Variants in OPCML observed in about 807,000 individuals in gnomAD.
The protein encoded by OPCML is opioid binding protein/cell adhesion molecule like, also known as opioid-binding protein/cell adhesion molecule.
In OPCML, 13 loss-of-function variants were observed where a neutral mutation model predicts 37.8. That is an observed-to-expected ratio of 0.34 (90% CI 0.22 to 0.55). OPCML has a LOEUF of 0.55. Ranked by LOEUF, OPCML falls within the 20% of genes least tolerant of loss-of-function variation. The probability of loss-of-function intolerance (pLI) is 0.91; values close to 1 mark genes in which losing one functional copy is unlikely to be tolerated. For synonymous variants in OPCML, 176 were observed against 168.8 expected (o/e 1.04, Z -0.33); for missense variants, 341 against 435.6 (o/e 0.78, Z 1.93).
intron 1 of OPCML, among the ~76,000 whole-genome samples, chr11:132,959,189 AG>A (rs1357870691): frequency 6.6e-6 from 1 of 152,206 alleles, no homozygotes; most frequent in Non-Finnish European, 1.5e-5. Context: ...GATGACTTTG[AG>A]GGGTTCAAGA....
chr11:132,730,962 G>A (rs951313731), intron 2 of OPCML, among the ~76,000 whole-genome samples: 1 of 152,180 alleles, frequency 6.6e-6, no homozygotes, highest in African/African-American at 2.4e-5. Flanking sequence ...AGCTCTTGAT[G>A]TAAGAAAAAG....
intron 1 of OPCML, among the ~76,000 whole-genome samples, chr11:133,127,503 C>A (rs1317331965): frequency 6.6e-6 from 1 of 151,812 alleles, no homozygotes; most frequent in East Asian, 1.9e-4. Context: ...CATGGTGATG[C>A]ATGTCTGTAG....
intron 2 of OPCML, among the ~76,000 whole-genome samples, chr11:132,659,820 T>A (rs1209996784): frequency 6.6e-6 from 1 of 152,174 alleles, no homozygotes; most frequent in Admixed American, 6.5e-5. Context: ...TTTCTAAAAG[T>A]CATAACACGT....
At chr11:132,447,333 C>T (rs534433102) in intron 4 of OPCML, among the ~76,000 whole-genome samples, 21 of 152,300 alleles carry the variant, frequency 1.4e-4, no homozygotes, top group Non-Finnish European at 2.6e-4. Context: ...GTTTCACGCT[C>T]TCTTGCCCAG....
intron 2 of OPCML, among the ~76,000 whole-genome samples, chr11:132,805,409 CATTTT>C (rs1352832664): frequency 6.6e-6 from 1 of 152,152 alleles, no homozygotes; most frequent in African/African-American, 2.4e-5. Flanking sequence ...GAGCTTCCCA[CATTTT>C]ATTTAAGAAA....
At chr11:132,652,349 A>ACAC (rs1941468830) in intron 3 of OPCML, among the ~76,000 whole-genome samples, 1 of 142,538 alleles carries the variant, frequency 7.0e-6, no homozygotes, top group African/African-American at 2.7e-5. Flanking sequence ...AAGAATGACA[A>ACAC]ACACACACAC....
At chr11:133,266,740 A>C (rs1284337361) in intron 1 of OPCML, among the ~76,000 whole-genome samples, 3 of 152,216 alleles carry the variant, frequency 2.0e-5, no homozygotes, top group Admixed American at 6.5e-5. Flanking sequence ...GGATGGGTTG[A>C]GTATAAAGTA....
chr11:132,907,405 G>A (rs1221178734), intron 2 of OPCML, among the ~76,000 whole-genome samples: 1 of 152,096 alleles, frequency 6.6e-6, no homozygotes, highest in Non-Finnish European at 1.5e-5. Context: ...GGCCGAAGCT[G>A]GTGGATCACA....
chr11:133,513,034 C>A (rs1156678328), intron 1 of OPCML, among the ~76,000 whole-genome samples: 3 of 152,292 alleles, frequency 2.0e-5, no homozygotes, highest in Admixed American at 2.0e-4. Flanking sequence ...AGGCATAAAG[C>A]TGAATTTCTT....
intron 1 of OPCML, chr11:133,007,360 AT>A: frequency 1.0e-6 from 1 of 985,476 alleles, no homozygotes; most frequent in Non-Finnish European, 1.2e-6. Flanking sequence ...TATCTGTGTG[AT>A]TAGCTCAGCC....
chr11:132,586,949 G>A (rs1044859539), intron 3 of OPCML, among the ~76,000 whole-genome samples: 2 of 152,210 alleles, frequency 1.3e-5, no homozygotes, highest in African/African-American at 4.8e-5. Flanking sequence ...AGGCTCTGGA[G>A]GCAGAATATT....
chr11:133,144,326 G>A (rs1949867870), intron 1 of OPCML, among the ~76,000 whole-genome samples: 1 of 152,200 alleles, frequency 6.6e-6, no homozygotes, highest in South Asian at 2.1e-4. Flanking sequence ...CCAGCCCAAA[G>A]GGAGACACAC....
intron 1 of OPCML, among the ~76,000 whole-genome samples, chr11:132,963,039 C>T (rs1308121090): frequency 1.3e-5 from 2 of 152,110 alleles, no homozygotes; most frequent in Non-Finnish European, 2.9e-5. Flanking sequence ...CGTGACCACC[C>T]CTGGGCTCCA....
intron 1 of OPCML, among the ~76,000 whole-genome samples, chr11:133,040,693 T>G (rs534658022): frequency 2.0e-4 from 30 of 152,048 alleles, no homozygotes; most frequent in Non-Finnish European, 3.4e-4. Context: ...GAGAGGGGCC[T>G]CTTGCTTGCT....
At chr11:132,909,867 G>A (rs1174298062) in intron 2 of OPCML, among the ~76,000 whole-genome samples, 1 of 152,210 alleles carries the variant, frequency 6.6e-6, no homozygotes, top group African/African-American at 2.4e-5. Flanking sequence ...TGCATTTAAA[G>A]AGTAATGACT....
intron 3 of OPCML, among the ~76,000 whole-genome samples, chr11:132,630,629 G>A (rs1565727162): frequency 6.6e-6 from 1 of 152,162 alleles, no homozygotes; most frequent in South Asian, 2.1e-4. Flanking sequence ...GCAACACCAA[G>A]TGTTGGTGAT....
At chr11:132,805,131 C>T (rs1263249688) in intron 2 of OPCML, among the ~76,000 whole-genome samples, 1 of 152,106 alleles carries the variant, frequency 6.6e-6, no homozygotes, top group African/African-American at 2.4e-5. Flanking sequence ...GGGAAGTACA[C>T]AGCTTAAATG....
chr11:133,295,528 C>A (rs1420909140), intron 1 of OPCML, among the ~76,000 whole-genome samples: 1 of 152,078 alleles, frequency 6.6e-6, no homozygotes, highest in African/African-American at 2.4e-5. Context: ...AAAAGATTAC[C>A]AAACATCTTC....
At chr11:132,606,332 C>T (rs1288479463) in intron 3 of OPCML, among the ~76,000 whole-genome samples, 1 of 152,158 alleles carries the variant, frequency 6.6e-6, no homozygotes, top group African/African-American at 2.4e-5. Context: ...TGGGGAGACG[C>T]TCGTCCTGTC....
Sources: gnomAD v4.1 joint callset for allele counts (sites outside exome capture counted in the v4.1 genomes callset) on GRCh38, gnomAD v4.1.1 for gene constraint, MANE v1.5 for transcripts, NCBI Gene and HGNC (gene_info 2026-07-23, HGNC 2026-07-21) for gene names.